Variants in ASIC2 observed in about 807,000 individuals in gnomAD.
ASIC2 encodes the protein acid sensing ion channel subunit 2, also known as acid-sensing ion channel 2.
A neutral mutation model predicts 57.3 loss-of-function variants in ASIC2; 25 were observed. The ratio of observed to expected loss-of-function variants is 0.44; its 90% CI spans 0.32 to 0.61. The LOEUF (loss-of-function observed/expected upper bound fraction) is 0.61, where lower values mean the gene tolerates loss of function less well. Among genes scored for constraint, ASIC2 ranks in the 20% least tolerant of loss-of-function variants. The pLI, the probability that ASIC2 is intolerant of heterozygous loss-of-function variation, is 0.06. For synonymous variants in ASIC2, 319 were observed against 307.5 expected (o/e 1.04, Z -0.39); for missense variants, 641 against 738.1 (o/e 0.87, Z 1.52).
intron 1 of ASIC2, among the ~76,000 whole-genome samples, chr17:33,861,962 A>G (rs1308517301): frequency 2.6e-5 from 4 of 152,296 alleles, no homozygotes; most frequent in African/African-American, 9.6e-5. Context: ...GCATGCCTCC[A>G]CCTTTCTGGT....
At chr17:33,039,657 A>G (rs1452811475) in intron 3 of ASIC2, among the ~76,000 whole-genome samples, 1 of 152,188 alleles carries the variant, frequency 6.6e-6, no homozygotes, top group African/African-American at 2.4e-5. Context: ...GACCTGACAT[A>G]AAATGCAGCC....
At chr17:33,400,566 T>C (rs1401994367) in intron 1 of ASIC2, among the ~76,000 whole-genome samples, 2 of 152,118 alleles carry the variant, frequency 1.3e-5, no homozygotes, top group African/African-American at 4.8e-5. Flanking sequence ...GAGCCAGAAA[T>C]CTCTCTTTTG....
At position 33,660,108 on chromosome 17, in the gene ASIC2, T is replaced by C. The variant is rs141850614; in HGVS notation, c.555+495870A>G. On this transcript the variant is annotated intron_variant, in intron 1 of 9. Coordinates refer to the ASIC2 transcript ENST00000359872. Reference sequence around the variant, plus strand: ...AAAAAACAAAACGAAACAAAAATGATACACCCCTATAGGGCACTTAGCATG... The same window carrying C: ...AAAAAACAAAACGAAACAAAAATGACACACCCCTATAGGGCACTTAGCATG... Among the ~76,000 whole-genome samples, 622 of 151,524 alleles carry C rather than the reference T, an allele frequency of 4.1e-3. 9 individuals carry two copies. Among genetic ancestry groups the C allele is most frequent in the African/African-American group, 0.015 (602 of 41,358 alleles).
intron 1 of ASIC2, among the ~76,000 whole-genome samples, chr17:33,134,240 G>A (rs1265445706): frequency 6.6e-6 from 1 of 152,224 alleles, no homozygotes; most frequent in African/African-American, 2.4e-5. Flanking sequence ...GGTTAAGTCA[G>A]TTGTCCAAGG....
intron 1 of ASIC2, among the ~76,000 whole-genome samples, chr17:33,586,208 C>T (rs1172271827): frequency 6.6e-6 from 1 of 152,170 alleles, no homozygotes; most frequent in African/African-American, 2.4e-5. Context: ...TCATGAATAT[C>T]CTCATAAAGA....
chr17:33,486,862 C>T (rs934059141), intron 1 of ASIC2, among the ~76,000 whole-genome samples: 2 of 152,134 alleles, frequency 1.3e-5, no homozygotes, highest in Non-Finnish European at 2.9e-5. Flanking sequence ...GAGGGAGAAC[C>T]ACCAAGTGAG....
intron 1 of ASIC2, among the ~76,000 whole-genome samples, chr17:33,298,547 G>T (rs533546179): frequency 6.6e-6 from 1 of 152,194 alleles, no homozygotes; most frequent in South Asian, 2.1e-4. Context: ...GAATAGTGCC[G>T]CAATAAACAT....
At chr17:33,886,559 G>C (rs1036206800) in intron 1 of ASIC2, among the ~76,000 whole-genome samples, 3 of 152,078 alleles carry the variant, frequency 2.0e-5, no homozygotes, top group Admixed American at 1.3e-4. Context: ...ATTAGTTTCA[G>C]TTGTACAGGC....
rs567176983 is a variant in ASIC2 at position 33,819,702 on chromosome 17, G to T, written c.555+336276C>A. On this transcript the variant is annotated intron_variant, in intron 1 of 9. Transcript: ENST00000359872. ...GAGTTGCAACAGTGCATCAGTGCTCGTGCCAAGCAAACTTGGCTTTGAATC... is the reference window on the plus strand; with the variant it reads ...GAGTTGCAACAGTGCATCAGTGCTCTTGCCAAGCAAACTTGGCTTTGAATC... 1.5e-3 allele frequency among the ~76,000 whole-genome samples: 221 copies of T among 152,314 alleles called. 1 individual carries two copies. Among genetic ancestry groups the T allele is most frequent in the African/African-American group, 5.0e-3 (207 of 41,576 alleles).
chr17:33,076,483 C>T (rs1180342271), intron 3 of ASIC2, among the ~76,000 whole-genome samples: 1 of 152,240 alleles, frequency 6.6e-6, no homozygotes. Context: ...TAAATTCACA[C>T]TTATAAATAT....
intron 1 of ASIC2, among the ~76,000 whole-genome samples, chr17:33,605,933 C>T (rs1243427494): frequency 1.3e-5 from 2 of 152,252 alleles, no homozygotes; most frequent in Non-Finnish European, 2.9e-5. Context: ...CCAGCTCCCA[C>T]TTTCCTGGGG....
intron 1 of ASIC2, among the ~76,000 whole-genome samples, chr17:33,443,559 GC>G (rs1389021548): frequency 7.3e-6 from 1 of 137,704 alleles, no homozygotes; most frequent in Non-Finnish European, 1.6e-5. Flanking sequence ...GACTACAGGC[GC>G]CCGCCACTAC....
At chr17:33,336,576 C>T (rs1329518970) in intron 1 of ASIC2, among the ~76,000 whole-genome samples, 1 of 152,152 alleles carries the variant, frequency 6.6e-6, no homozygotes. Context: ...CCTGTTGATC[C>T]TCACGACAGC....
At position 33,140,880 on chromosome 17, in the gene ASIC2, C is replaced by A. The variant is rs191849680; in HGVS notation, c.709-28813G>T. On this transcript the variant is annotated intron_variant, in intron 1 of 9. Coordinates refer to ENST00000225823, the MANE Select transcript of ASIC2 (RefSeq NM_183377.2). ...CTCAGTGAATGGGGCTCCCCTGGGGCACATTCCATCCGGGCCACAAGGCAG... is the reference window on the plus strand; with the variant it reads ...CTCAGTGAATGGGGCTCCCCTGGGGAACATTCCATCCGGGCCACAAGGCAG... Among the ~76,000 whole-genome samples the A allele has an allele frequency of 2.6e-5, 4 of 152,348 alleles. No individual in the cohort carries two copies. The East Asian group carries it at 7.7e-4, about 29-fold the overall frequency.
intron 1 of ASIC2, among the ~76,000 whole-genome samples, chr17:33,997,554 C>G (rs779639662): frequency 3.0e-4 from 45 of 151,938 alleles, no homozygotes; most frequent in Admixed American, 1.5e-3. Flanking sequence ...TAGTTTTATA[C>G]CTAATTTGTT....
At chr17:33,601,999 G>T (rs903724277) in intron 1 of ASIC2, among the ~76,000 whole-genome samples, 1 of 152,340 alleles carries the variant, frequency 6.6e-6, no homozygotes, top group Admixed American at 6.5e-5. Flanking sequence ...TACTTTGTAA[G>T]TGTATAACTT....
At chr17:33,458,993 C>A (rs1040976429) in intron 1 of ASIC2, among the ~76,000 whole-genome samples, 1 of 152,074 alleles carries the variant, frequency 6.6e-6, no homozygotes, top group Non-Finnish European at 1.5e-5. Flanking sequence ...AAAACCTCCA[C>A]GTTGTCAATA....
intron 1 of ASIC2, among the ~76,000 whole-genome samples, chr17:33,343,370 G>A (rs567626335): frequency 3.9e-5 from 6 of 152,228 alleles, no homozygotes; most frequent in Non-Finnish European, 8.8e-5. Flanking sequence ...GATTCCACTG[G>A]CTTCTCCAAG....
intron 1 of ASIC2, among the ~76,000 whole-genome samples, chr17:33,482,676 G>A (rs150490071): frequency 1.3e-5 from 2 of 152,278 alleles, no homozygotes; most frequent in East Asian, 3.9e-4. Flanking sequence ...AATAGACACT[G>A]GGTCTAGGAC....
Sources: allele counts gnomAD v4.1 joint callset (sites outside exome capture counted in the v4.1 genomes callset), GRCh38; gene constraint gnomAD v4.1.1; transcripts MANE v1.5; gene names NCBI Gene and HGNC (gene_info 2026-07-23, HGNC 2026-07-21).